GATA3: variants seen among roughly 807,000 people sequenced by gnomAD.
GATA3 encodes GATA binding protein 3.
Under a neutral mutation model 36.0 loss-of-function variants are expected in GATA3, and 6 were observed. The ratio of observed to expected loss-of-function variants is 0.17; its 90% CI spans 0.09 to 0.33. The LOEUF is 0.33. Ranked by LOEUF, GATA3 falls within the 10% of genes least tolerant of loss-of-function variation. The probability of loss-of-function intolerance (pLI) is 1.00; values close to 1 mark genes in which losing one functional copy is unlikely to be tolerated. For missense variants in GATA3, 514 were observed against 610.1 expected (o/e 0.84, Z 1.66); for synonymous variants, 326 against 273.0 (o/e 1.19, Z -1.92).
upstream of GATA3, chr10:8,050,941 C>T (rs753110866): frequency 1.1e-5 from 5 of 471,924 alleles, no homozygotes; most frequent in South Asian, 7.7e-5. Context: ...GCCGCTTCTC[C>T]CGGCACCTCG....
Position 8,073,856 on chromosome 10 carries a change from A to T in GATA3, c.1168A>T (p.Ser390Cys), listed in dbSNP as rs2131521298. ...HDSLEDFPKN[S>C]SFNPAALSRH... ...CTCACTGGAGGACTTCCCCAAGAAC[A>T]GCTCGTTTAACCCGGCCGCCCTCTC... Residue 390 changes from serine to cysteine, a missense_variant, in exon 6 of 6, where the codon AGC (serine) becomes TGC (cysteine). Transcript: ENST00000379328. The T allele has an allele frequency of 1.2e-6, 2 of 1,614,178 alleles. No individual in the cohort carries two copies. The highest frequency in any genetic ancestry group is 1.7e-6 in the Non-Finnish European group (2 of 1,180,044).
intron 3 of GATA3, among the ~76,000 whole-genome samples, chr10:8,063,484 A>G (rs1832782908): frequency 1.3e-5 from 2 of 152,206 alleles, no homozygotes; most frequent in African/African-American, 2.4e-5. Context: ...CTGTTCACCT[A>G]TCTAGCCATT....
intron 1 of GATA3, among the ~76,000 whole-genome samples, chr10:8,046,992 GC>G (rs796440124): frequency 2.8e-4 from 43 of 152,336 alleles, no homozygotes; most frequent in African/African-American, 1.0e-3. Context: ...ATCTCTGCCA[GC>G]CCCAGCACTG....
At chr10:8,071,709 G>A (rs145085757) in intron 5 of GATA3, among the ~76,000 whole-genome samples, 1 of 152,124 alleles carries the variant, frequency 6.6e-6, no homozygotes, top group Non-Finnish European at 1.5e-5. Context: ...GATGTGTATT[G>A]AACAATAAGA....
At chr10:8,064,560 C>T (rs974964185) in intron 4 of GATA3, among the ~76,000 whole-genome samples, 4 of 152,152 alleles carry the variant, frequency 2.6e-5, no homozygotes, top group Non-Finnish European at 5.9e-5. Context: ...AGAAACCATC[C>T]AGAATGGGTT....
At chr10:8,049,213 C>T (rs1832431190), upstream of GATA3, among the ~76,000 whole-genome samples, 1 of 150,912 alleles carries the variant, frequency 6.6e-6, no homozygotes. Context: ...AAGGTAGACT[C>T]CTGGCCCGGG....
At position 8,073,405 on chromosome 10, in the gene GATA3, T is replaced by C. The variant is rs1227999481; in HGVS notation, c.1051-334T>C. ...AGCAGATTTGTCAAAGTAGCCAAAA[T>C]GGCATTTCCCTCCTGAAGATTCTTC... On this transcript the variant is annotated intron_variant, in intron 5 of 5. Transcript: ENST00000379328. 2.0e-5 allele frequency among the ~76,000 whole-genome samples: 3 copies of C among 152,132 alleles called. No homozygotes were observed. The East Asian group carries it at 5.8e-4, about 29-fold the overall frequency.
intron 5 of GATA3, among the ~76,000 whole-genome samples, chr10:8,073,239 T>G (rs1832959838): frequency 6.6e-6 from 1 of 151,800 alleles, no homozygotes; most frequent in Non-Finnish European, 1.5e-5. Context: ...AGCGGAAGAT[T>G]TTATGGCACC....
chr10:8,056,905 T>C (rs1345686209), intron 2 of GATA3, among the ~76,000 whole-genome samples: 1 of 152,084 alleles, frequency 6.6e-6, no homozygotes, highest in African/African-American at 2.4e-5. Flanking sequence ...GCAGAAAAAG[T>C]GTGGGGCTTT....
intron 3 of GATA3, among the ~76,000 whole-genome samples, chr10:8,060,393 C>T (rs1832727639): frequency 6.6e-6 from 1 of 152,054 alleles, no homozygotes; most frequent in African/African-American, 2.4e-5. Context: ...GGCCACGGTG[C>T]CTGGCAGGGG....
intron 2 of GATA3, among the ~76,000 whole-genome samples, chr10:8,056,098 G>A (rs11567888): frequency 2.1e-4 from 32 of 152,304 alleles, no homozygotes; most frequent in Admixed American, 3.3e-4. Flanking sequence ...TGAAAGAGTC[G>A]CAGCAGGCGC....
upstream of GATA3, chr10:8,050,755 C>G (rs982253034): frequency 3.4e-6 from 1 of 296,614 alleles, no homozygotes; most frequent in Non-Finnish European, 7.0e-6. Context: ...GCTGGAAATC[C>G]GACGATTTCG....
chr10:8,059,111 G>T (rs1832705826), intron 3 of GATA3, among the ~76,000 whole-genome samples: 2 of 152,186 alleles, frequency 1.3e-5, no homozygotes, highest in South Asian at 4.1e-4. Context: ...ACAAAGTCAT[G>T]CCCTCTTCTG....
At chr10:8,066,349 G>A (rs1333134418) in intron 4 of GATA3, among the ~76,000 whole-genome samples, 1 of 151,746 alleles carries the variant, frequency 6.6e-6, no homozygotes, top group African/African-American at 2.4e-5. Flanking sequence ...TTAATCATCT[G>A]TCTTTGGTGG....
At chr10:8,049,207 T>A (rs1422829652), upstream of GATA3, among the ~76,000 whole-genome samples, 1 of 150,392 alleles carries the variant, frequency 6.6e-6, no homozygotes, top group Admixed American at 6.6e-5. Flanking sequence ...ACGGGGAAGG[T>A]AGACTCCTGG....
At chr10:8,050,184 G>A (rs536519423), upstream of GATA3, among the ~76,000 whole-genome samples, 1 of 152,258 alleles carries the variant, frequency 6.6e-6, no homozygotes, top group African/African-American at 2.4e-5. Flanking sequence ...AGAGCGCCCC[G>A]GTGCGTACTG....
In GATA3 at chr10:8,058,665, C is replaced by G; in HGVS notation, c.602C>G (p.Ser201Cys). The G allele has an allele frequency of 6.2e-7, 1 of 1,613,266 alleles. No individual in the cohort carries two copies. The highest frequency in any genetic ancestry group is 8.5e-7 in the Non-Finnish European group (1 of 1,179,980). Residue 201 changes from serine (S) to cysteine (C), a missense_variant, in exon 3 of 6, where the codon TCC (serine) becomes TGC (cysteine). By Grantham distance (112) the Ser-to-Cys change is moderately radical. Transcript: ENST00000379328. ...AGCATGAAGCTGGAGTCGTCCCACTCCCGTGGCAGCATGACCGCCCTGGGT... is the reference window on the plus strand; with the variant it reads ...AGCATGAAGCTGGAGTCGTCCCACTGCCGTGGCAGCATGACCGCCCTGGGT... ...PDSMKLESSH[S>C]RGSMTALGGA...
upstream of GATA3, chr10:8,050,817 C>G (rs996822013): frequency 2.5e-6 from 1 of 396,734 alleles, no homozygotes; most frequent in East Asian, 7.4e-5. Flanking sequence ...ATGACCGCCC[C>G]GGGCGGCCCG....
chr10:8,046,648 AGT>A (rs55947422), intron 1 of GATA3, among the ~76,000 whole-genome samples: 32,130 of 137,590 alleles, frequency 0.23, 3,829 homozygotes, highest in Admixed American at 0.3. Context: ...AATGGCTGGC[AGT>A]GTGTGTGTGT....
Sources: gnomAD v4.1 joint callset for allele counts (sites outside exome capture counted in the v4.1 genomes callset) on GRCh38, gnomAD v4.1.1 for gene constraint, MANE v1.5 for transcripts, NCBI Gene and HGNC (gene_info 2026-07-23, HGNC 2026-07-21) for gene names.